Variants in FAN1 observed in about 807,000 individuals in gnomAD.
FAN1 encodes FANCD2 and FANCI associated nuclease 1, also known as fanconi-associated nuclease 1.
A neutral mutation model predicts 104.9 loss-of-function variants in FAN1; 91 were observed. That is an observed-to-expected ratio of 0.87 (90% CI 0.73 to 1.03). The LOEUF (loss-of-function observed/expected upper bound fraction) is 1.03. Ranked by LOEUF, FAN1 falls within the 50% of genes least tolerant of loss-of-function variation. The pLI is 0.00. For missense variants in FAN1, 1,263 were observed against 1,239.9 expected (o/e 1.02, Z -0.28); for synonymous variants, 478 against 457.6 (o/e 1.04, Z -0.57).
rs559908221 is a variant in FAN1 at position 30,924,752 on chromosome 15, G to A, written c.2173-375G>A. On this transcript the variant is annotated intron_variant, in intron 8 of 14. Coordinates refer to ENST00000362065, the MANE Select transcript of FAN1 (RefSeq NM_014967.5). ...CTGGAGGTTCTCATTGTGTGGATCCGGGGTGGGACACATGTTTTCCTACAA... is the reference window on the plus strand; with the variant it reads ...CTGGAGGTTCTCATTGTGTGGATCCAGGGTGGGACACATGTTTTCCTACAA... Among the ~76,000 whole-genome samples the A allele has an allele frequency of 8.2e-5, 12 of 146,214 alleles. No individual in the cohort carries two copies. The South Asian group carries it at 1.7e-3, about 21-fold the overall frequency.
chr15:30,919,161 A>C (rs1446115638), intron 6 of FAN1, among the ~76,000 whole-genome samples: 1 of 152,078 alleles, frequency 6.6e-6, no homozygotes, highest in Non-Finnish European at 1.5e-5. Flanking sequence ...CTGGCAGATC[A>C]CCTGAGGTCG....
chr15:30,937,357 A>G (rs2062885333), intron 14 of FAN1, 98 bp downstream of exon 14: 5 of 1,155,994 alleles, frequency 4.3e-6, no homozygotes, highest in Non-Finnish European at 6.1e-6. Context: ...TATAAACCTG[A>G]TAGTTTGACT....
In FAN1 at chr15:30,910,584, T is replaced by A. The variant is rs187650218; in HGVS notation, c.1376-30T>A. On this transcript the variant is annotated intron_variant, in intron 3 of 14. Coordinates refer to ENST00000362065, the MANE Select transcript of FAN1 (RefSeq NM_014967.5). ...AATAAAGCTAGAAAATAGTAAAATT[T>A]AAAAAAACTTTTTTTTTTAACCATT... The A allele has an allele frequency of 2.9e-3, 4,287 of 1,468,174 alleles. 118 individuals carry two copies. The Admixed American group carries it at 0.052, about 18-fold the overall frequency. 90.9% of individuals were successfully genotyped at this position (1,468,174 alleles called of 1,614,324 possible).
chr15:30,930,481 G>T, intron 12 of FAN1, 62 bp from the exon 13 acceptor site: 1 of 1,537,472 alleles, frequency 6.5e-7, no homozygotes. Flanking sequence ...CGTGATCCCT[G>T]GAGCCTATTT....
intron 13 of FAN1, among the ~76,000 whole-genome samples, chr15:30,932,141 G>GAACTCAGGAGGTGGAGCTA (rs2140958938): frequency 6.9e-6 from 1 of 145,042 alleles, no homozygotes; most frequent in Admixed American, 7.2e-5. Flanking sequence ...AGAATCGCTT[G>GAACTCAGGAGGTGGAGCTA]AACTCAGGAG....
At position 30,941,870 on chromosome 15, in the gene FAN1, A is replaced by G. The variant is rs570094947; in HGVS notation, c.*308A>G. On this transcript the variant is annotated 3_prime_UTR_variant, in exon 15 of 15. Transcript: ENST00000362065. The stretch of plus-strand genomic sequence containing the variant: ...GTGTGTTCCAGAGACACGTGGCAGA[A>G]TAACACCGTGCAGGTTGGCGGGTTT... 5.6e-6 allele frequency: 9 copies of G among 1,614,080 alleles called. 1 individual carries two copies. The highest frequency in any genetic ancestry group is 5.3e-5 in the African/African-American group (4 of 75,064).
chr15:30,926,603 T>C (rs538413954), intron 10 of FAN1: 2 of 984,878 alleles, frequency 2.0e-6, no homozygotes, highest in African/African-American at 3.5e-5. Flanking sequence ...CTTTATTACT[T>C]ACAGGGAAGG....
At chr15:30,918,810 T>G (rs1284226560) in intron 6 of FAN1, among the ~76,000 whole-genome samples, 2 of 152,222 alleles carry the variant, frequency 1.3e-5, no homozygotes, top group African/African-American at 4.8e-5. Context: ...TGTTACATAG[T>G]GATGAGAAAA....
chr15:30,935,808 C>T (rs2062836393), intron 13 of FAN1, among the ~76,000 whole-genome samples: 1 of 152,188 alleles, frequency 6.6e-6, no homozygotes. Flanking sequence ...CTACTGTCTT[C>T]TAACTAGCAT....
rs1595869593 is a variant in FAN1, at chr15:30,929,143, C to T, written c.2593-60C>T. ...CAAGTTTTGTATGTACTGACTAGTC[C>T]TCTGGTGAACACGGCTCTCTGCAGG... On this transcript the variant is annotated intron_variant, in intron 11 of 14. Coordinates refer to ENST00000362065, the MANE Select transcript of FAN1 (RefSeq NM_014967.5). 10 of 1,484,568 alleles carry T rather than the reference C, an allele frequency of 6.7e-6. No homozygotes were observed. The Admixed American group carries it at 1.2e-4, about 17-fold the overall frequency. The allele number at this position is 1,484,568 out of a possible 1,614,324, so 92.0% of individuals were successfully genotyped here.
Position 30,904,752 on chromosome 15 carries a change from T to C in FAN1, c.89T>C (p.Ile30Thr), listed in dbSNP as rs1245504451. ...SKNKKKASNS[I>T]ISCFNNAPPA... ...AATAAGAAAAAAGCATCTAATTCTA[T>C]TATTTCGTGTTTTAACAATGCACCA... is the stretch of plus-strand genomic sequence containing the variant. Residue 30 changes from isoleucine (I) to threonine (T), a missense_variant, in exon 2 of 15, where the codon ATT becomes ACT. This residue lies in a region of FAN1 where 682 missense variants were observed against 571.1 expected (regional missense o/e 1.19). Coordinates refer to ENST00000362065, the MANE Select transcript of FAN1 (RefSeq NM_014967.5). 1 of 1,612,778 alleles carries C rather than the reference T, an allele frequency of 6.2e-7. No individual in the cohort carries two copies. The highest frequency in any genetic ancestry group is 8.5e-7 in the Non-Finnish European group (1 of 1,179,076).
chr15:30,904,795 C>A lies in FAN1; in HGVS notation c.132C>A (p.Cys44Ter), dbSNP rs772357075. The A allele has an allele frequency of 2.5e-6, 4 of 1,613,574 alleles. No individual in the cohort carries two copies. Among genetic ancestry groups the A allele is most frequent in the Non-Finnish European group, 3.4e-6 (4 of 1,179,654 alleles). The change falls in exon 2 of 15, where the codon TGC becomes TGA. Residue 44 changes from cysteine to a stop codon, truncating the protein, a stop_gained. Coordinates refer to ENST00000362065, the MANE Select transcript of FAN1 (RefSeq NM_014967.5). LOFTEE classifies it high-confidence loss of function. ...ATGCACCACCTGCTAAACTTGCCTG[C>A]CCCGTTTGCAGTAAAATGGTGCCTA... ...FNNAPPAKLA[C>*]PVCSKMVPRY... is the part of the protein sequence containing the mutation.
At chr15:30,913,811 A>G in intron 4 of FAN1, 47 bp from the exon 5 acceptor site, 4 of 1,269,910 alleles carry the variant, frequency 3.1e-6, no homozygotes, top group South Asian at 1.3e-5. Flanking sequence ...TCTGACATCC[A>G]AATGCTTAAA....
At chr15:30,927,443 G>C (rs2062493397) in intron 10 of FAN1, 1 of 985,536 alleles carries the variant, frequency 1.0e-6, no homozygotes, top group South Asian at 4.7e-5. Flanking sequence ...CTGCAGGGAT[G>C]AGGGGCTAGA....
chr15:30,905,440 TA>T lies in FAN1; in HGVS notation c.779del (p.Asn260MetfsTer16). Reference protein sequence around the residue: ...KSALTPGFSDNAIMLFSPDFT... With the variant: ...KSALTPGFSDXAIMLFSPDFT... The stretch of plus-strand genomic sequence containing the variant: ...CAGCCCTCACCCCTGGATTCTCAGA[TA>T]ATGCGATCATGTTATTCTCACCAGA... On this transcript the variant is annotated frameshift_variant, in exon 2 of 15. Transcript: ENST00000362065. LOFTEE classifies it high-confidence loss of function. 1 of 1,614,152 alleles carries T rather than the reference TA, an allele frequency of 6.2e-7. No individual in the cohort carries two copies. The highest frequency in any genetic ancestry group is 1.1e-5 in the South Asian group (1 of 91,080).
chr15:30,923,761 A>T (rs1288196729), intron 8 of FAN1, among the ~76,000 whole-genome samples: 1 of 151,618 alleles, frequency 6.6e-6, no homozygotes, highest in African/African-American at 2.4e-5. Context: ...CAGCCACTCA[A>T]CTCTGGATGG....
intron 12 of FAN1, 99 bp downstream of exon 12, chr15:30,929,496 G>A: frequency 1.4e-6 from 1 of 711,110 alleles, no homozygotes; most frequent in Non-Finnish European, 2.3e-6. Context: ...GTGTGTATAT[G>A]TAAATACATG....
At chr15:30,923,290 C>G (rs993306979) in intron 8 of FAN1, among the ~76,000 whole-genome samples, 1 of 152,172 alleles carries the variant, frequency 6.6e-6, no homozygotes, top group Non-Finnish European at 1.5e-5. Flanking sequence ...TTTACTGAGG[C>G]TGAAATAGCA....
chr15:30,917,795 A>G (rs1338006173), intron 5 of FAN1, among the ~76,000 whole-genome samples: 2 of 152,226 alleles, frequency 1.3e-5, no homozygotes, highest in Admixed American at 1.3e-4. Flanking sequence ...TATCAGATCT[A>G]CATCTGACTA....
Sources: gnomAD v4.1 joint callset for allele counts (sites outside exome capture counted in the v4.1 genomes callset) on GRCh38, gnomAD v4.1.1 for gene constraint, gnomAD v4.1.1 regional missense constraint, MANE v1.5 for transcripts, NCBI Gene and HGNC (gene_info 2026-07-23, HGNC 2026-07-21) for gene names.